FOXM1: variants seen among roughly 807,000 people sequenced by gnomAD.
FOXM1 encodes forkhead box protein M1.
In FOXM1, 25 loss-of-function variants were observed where a neutral mutation model predicts 63.6. That is an observed-to-expected ratio of 0.39 (90% CI 0.29 to 0.55). The LOEUF (loss-of-function observed/expected upper bound fraction) is 0.55, where lower values mean the gene tolerates loss of function less well. FOXM1 is among the 20% of genes least tolerant of loss of function. The pLI, the probability that FOXM1 is intolerant of heterozygous loss-of-function variation, is 0.60. For missense variants in FOXM1, 879 were observed against 958.7 expected, an observed-to-expected ratio of 0.92 and a Z score of 1.10; for synonymous variants, 387 against 376.9, an observed-to-expected ratio of 1.03 and a Z score of -0.31.
intron 8 of FOXM1, among the ~76,000 whole-genome samples, chr12:2,860,414 G>A (rs1299787936): frequency 6.6e-6 from 1 of 151,948 alleles, no homozygotes; most frequent in East Asian, 1.9e-4. Flanking sequence ...TTGAGCCTGG[G>A]AGGTCAAGGA....
intron 4 of FOXM1, among the ~76,000 whole-genome samples, chr12:2,867,979 CAAAAAAA>C (rs60064456): frequency 2.9e-5 from 2 of 68,326 alleles, no homozygotes; most frequent in African/African-American, 1.0e-4. Context: ...GACTCTGTCT[CAAAAAAA>C]AAAAAAAAAA....
intron 2 of FOXM1, among the ~76,000 whole-genome samples, chr12:2,873,336 T>C (rs752260192): frequency 2.5e-4 from 37 of 147,660 alleles, no homozygotes; most frequent in Non-Finnish European, 4.7e-4. Context: ...AAGGTGGAGA[T>C]TGCAGTGAGC....
At chr12:2,866,776 A>G (rs935541155) in intron 4 of FOXM1, among the ~76,000 whole-genome samples, 2 of 152,242 alleles carry the variant, frequency 1.3e-5, no homozygotes, top group African/African-American at 4.8e-5. Flanking sequence ...AAAGACCTAG[A>G]TAGCTGTCAG....
chr12:2,866,801 G>A (rs1187636673), intron 4 of FOXM1, among the ~76,000 whole-genome samples: 2 of 152,238 alleles, frequency 1.3e-5, no homozygotes, highest in Admixed American at 1.3e-4. Flanking sequence ...TAGAAAAGCA[G>A]AGTAAGGCTG....
At chr12:2,862,367 G>GA (rs942348258) in intron 8 of FOXM1, among the ~76,000 whole-genome samples, 9 of 151,968 alleles carry the variant, frequency 5.9e-5, no homozygotes, top group Admixed American at 2.6e-4. Flanking sequence ...GGGAGTAGGG[G>GA]TGATGTGGGT....
In FOXM1 at chr12:2,877,058, T is replaced by G. The variant is rs934818362; in HGVS notation, c.-186A>C. The G allele has an allele frequency of 4.8e-5, 7 of 145,014 alleles. No individual in the cohort carries two copies. The highest frequency in any genetic ancestry group is 6.1e-5 in the Non-Finnish European group (4 of 65,546). 9.0% of individuals were successfully genotyped at this position (145,014 alleles called of 1,614,324 possible). A position where few individuals can be genotyped will look rare whatever the true frequency, so the allele number is the denominator to read the frequency against. On this transcript the variant is annotated 5_prime_UTR_variant, in exon 1 of 9. Transcript: ENST00000359843. Reference sequence around the variant, plus strand: ...CGGGTCCCCGGCGGTGCGGGCGGGGTGGGAACCCCGGGGGATCCCGGGAGG... The same window carrying G: ...CGGGTCCCCGGCGGTGCGGGCGGGGGGGGAACCCCGGGGGATCCCGGGAGG...
chr12:2,859,900 TTGTCTTACAC>T, intron 8 of FOXM1: 1 of 496,900 alleles, frequency 2.0e-6, no homozygotes, highest in Admixed American at 3.5e-5. Flanking sequence ...AATTGCATGC[TTGTCTTACAC>T]TGTATACAAA....
In FOXM1 at chr12:2,865,408, G is replaced by A. The variant is rs185920827; in HGVS notation, c.976-9C>T. 2,094 of 1,608,926 alleles carry A rather than the reference G, an allele frequency of 1.3e-3. 17 individuals are homozygous for A. Among genetic ancestry groups the A allele is most frequent in the Non-Finnish European group, 7.5e-4 (879 of 1,177,278 alleles). ...GACCCTGGGTCCAGTGGCTGGTGGC[G>A]GCCAGGCATTGTGGGAGAGAAATGA... is the stretch of plus-strand genomic sequence containing the variant. On this transcript the variant is annotated splice_polypyrimidine_tract_variant and intron_variant, in intron 5 of 8. Transcript: ENST00000359843.
chr12:2,876,572 TG>T (rs2098144258), intron 1 of FOXM1: 1 of 151,522 alleles, frequency 6.6e-6, no homozygotes, highest in South Asian at 2.1e-4. Context: ...AGCAGGGGAG[TG>T]TGTATGCAGG....
At chr12:2,861,041 G>T (rs567837670) in intron 8 of FOXM1, among the ~76,000 whole-genome samples, 1 of 150,800 alleles carries the variant, frequency 6.6e-6, no homozygotes, top group Admixed American at 6.6e-5. Context: ...AGTGGTGGGC[G>T]CCTGTAATCC....
At chr12:2,871,343 GAAGT>G (rs2098132944) in intron 3 of FOXM1, among the ~76,000 whole-genome samples, 1 of 152,260 alleles carries the variant, frequency 6.6e-6, no homozygotes, top group Admixed American at 6.5e-5. Flanking sequence ...GATTGCTAGA[GAAGT>G]ATTTAAAATT....
At position 2,859,349 on chromosome 12, in the gene FOXM1, G is replaced by A. The variant is rs199770599; in HGVS notation, c.1581C>T (p.Val527=). 17 of 1,613,682 alleles carry A rather than the reference G, an allele frequency of 1.1e-5. No homozygotes were observed. The highest frequency in any genetic ancestry group is 6.7e-5 in the East Asian group (3 of 44,876). ...YSGLRSPTRC[V]SEMLVIQHRE... ...TGTGTTGAATCACAAGCATTTCCGA[G>A]ACACACCGGGTTGGGGACCTAAGCC... is the stretch of plus-strand genomic sequence containing the variant. Residue 527 remains valine (V), a synonymous_variant, in exon 9 of 9, where the codon GTC becomes GTT. Coordinates refer to ENST00000359843, the MANE Select transcript of FOXM1 (RefSeq NM_021953.4).
At position 2,864,505 on chromosome 12, in the gene FOXM1, A is replaced by G. The variant is rs201788242; in HGVS notation, c.1091-10T>C. On this transcript the variant is annotated splice_polypyrimidine_tract_variant and intron_variant, in intron 7 of 8. Transcript: ENST00000359843. The surrounding 1 kb of genome is among the most constrained non-coding windows in gnomAD (Gnocchi z 5.1). ...GGCTTCATCTTCCGCCCTAGGAGGAAACACGAGAGATCAGGAGCAGGGGGA... is the reference window on the plus strand; with the variant it reads ...GGCTTCATCTTCCGCCCTAGGAGGAGACACGAGAGATCAGGAGCAGGGGGA... 115 of 1,607,810 alleles carry G rather than the reference A, an allele frequency of 7.2e-5. No individual in the cohort carries two copies. Among genetic ancestry groups the G allele is most frequent in the Admixed American group, 8.4e-5 (5 of 59,692 alleles).
In FOXM1 at chr12:2,874,619, A is replaced by G. The variant is rs2098138940; in HGVS notation, c.-47-94T>C. ...GGTGCTCCTCTTTATATGACCAGGAACATGAGCCTAAAGGCCCAGGTAAAC... is the reference window on the plus strand; with the variant it reads ...GGTGCTCCTCTTTATATGACCAGGAGCATGAGCCTAAAGGCCCAGGTAAAC... On this transcript the variant is annotated intron_variant, in intron 1 of 8. Transcript: ENST00000359843. The surrounding 1 kb of genome is among the most constrained non-coding windows in gnomAD (Gnocchi z 4.3). The G allele has an allele frequency of 9.5e-6, 8 of 839,174 alleles. No homozygotes were observed. Among genetic ancestry groups the G allele is most frequent in the Non-Finnish European group, 1.5e-5 (8 of 535,256 alleles). 52.0% of individuals were successfully genotyped at this position (839,174 alleles called of 1,614,324 possible). A position where few individuals can be genotyped will look rare whatever the true frequency, so the allele number is the denominator to read the frequency against.
chr12:2,875,097 A>G (rs1016587795), intron 1 of FOXM1, among the ~76,000 whole-genome samples: 6 of 148,784 alleles, frequency 4.0e-5, no homozygotes, highest in African/African-American at 1.5e-4. Flanking sequence ...GGTTTAAGCG[A>G]GTCCCACGTC....
At position 2,858,591 on chromosome 12, in the gene FOXM1, G is replaced by A. The variant is rs371710572; in HGVS notation, c.*47C>T. The stretch of plus-strand genomic sequence containing the variant: ...GGCTTGGGGTGCACTGAGCCTTGGA[G>A]TGCCCGGGATGGTGGACAGCTTGAG... On this transcript the variant is annotated 3_prime_UTR_variant, in exon 9 of 9. Coordinates refer to ENST00000359843, the MANE Select transcript of FOXM1 (RefSeq NM_021953.4). 40 of 1,549,480 alleles carry A rather than the reference G, an allele frequency of 2.6e-5. No homozygotes were observed. The African/African-American group carries it at 4.7e-4, about 18-fold the overall frequency.
rs113678159 is a variant in FOXM1, at chr12:2,861,907, G to A, written c.1267-2244C>T. ...AGTTAGAGACATGTAGAGGCTGGGC[G>A]TGGTGGGTCATTCCTGTAATCTCAA... On this transcript the variant is annotated intron_variant, in intron 8 of 8. Transcript: ENST00000359843. Among the ~76,000 whole-genome samples, 359 of 152,286 alleles carry A rather than the reference G, an allele frequency of 2.4e-3. 2 individuals carry two copies. Among genetic ancestry groups the A allele is most frequent in the African/African-American group, 8.3e-3 (343 of 41,566 alleles).
chr12:2,862,181 GAA>G (rs962205817), intron 8 of FOXM1, among the ~76,000 whole-genome samples: 9 of 102,392 alleles, frequency 8.8e-5, no homozygotes, highest in Admixed American at 3.3e-4. Context: ...TCCGTCTCAG[GAA>G]AAAAAAAAAA....
chr12:2,868,472 A>G (rs1026787701), intron 4 of FOXM1, 91 bp downstream of exon 4: 3 of 875,152 alleles, frequency 3.4e-6, no homozygotes, highest in Non-Finnish European at 5.3e-6. Context: ...CTTTGCACTT[A>G]ACTGCTGTCC....
Sources: gnomAD v4.1 joint callset for allele counts (sites outside exome capture counted in the v4.1 genomes callset) on GRCh38, gnomAD v4.1.1 for gene constraint, Gnocchi (gnomAD v3.1) non-coding constraint, MANE v1.5 for transcripts, NCBI Gene and HGNC (gene_info 2026-07-23, HGNC 2026-07-21) for gene names.